KCNJ6: variants seen among roughly 807,000 people sequenced by gnomAD.
KCNJ6 encodes the protein potassium inwardly rectifying channel subfamily J member 6.
In KCNJ6, 9 loss-of-function variants were observed where a neutral mutation model predicts 34.2. The observed-to-expected ratio is 0.26, with a 90% CI of 0.16 to 0.46. The LOEUF (loss-of-function observed/expected upper bound fraction) is 0.46. Ranked by LOEUF, KCNJ6 falls within the 20% of genes least tolerant of loss-of-function variation. The probability of loss-of-function intolerance (pLI) is 1.00; values close to 1 mark genes in which losing one functional copy is unlikely to be tolerated. For synonymous variants in KCNJ6, 196 were observed against 207.1 expected, an observed-to-expected ratio of 0.95 and a Z score of 0.46; for missense variants, 236 against 531.3, an observed-to-expected ratio of 0.44 and a Z score of 5.46.
At chr21:37,771,545 A>T (rs959737868) in intron 2 of KCNJ6, among the ~76,000 whole-genome samples, 4 of 152,176 alleles carry the variant, frequency 2.6e-5, no homozygotes, top group Non-Finnish European at 5.9e-5. Flanking sequence ...TGACTGATAC[A>T]CTTGAGCTGA....
chr21:37,792,301 C>G lies in KCNJ6; in HGVS notation c.25+48357G>C, dbSNP rs966878993. Among the ~76,000 whole-genome samples the G allele has an allele frequency of 2.0e-4, 31 of 152,210 alleles. 1 individual carries two copies. Among genetic ancestry groups the G allele is most frequent in the Non-Finnish European group, 2.9e-5 (2 of 68,040 alleles). On this transcript the variant is annotated intron_variant, in intron 2 of 3. Coordinates refer to ENST00000609713, the MANE Select transcript of KCNJ6 (RefSeq NM_002240.5). ...TGCCCATCTCTAGTTCAGTGGATCT[C>G]AGTTCATATGCTGGCTGGGCCACTA...
intron 2 of KCNJ6, among the ~76,000 whole-genome samples, chr21:37,744,849 A>G (rs1205562582): frequency 6.6e-6 from 1 of 152,168 alleles, no homozygotes; most frequent in African/African-American, 2.4e-5. Context: ...TTTATATGGC[A>G]TATAGTAGGC....
intron 2 of KCNJ6, among the ~76,000 whole-genome samples, chr21:37,786,663 T>C (rs909295383): frequency 2.0e-5 from 3 of 152,236 alleles, no homozygotes; most frequent in Non-Finnish European, 2.9e-5. Context: ...TGTTCTAGCA[T>C]GGAGGAAAGA....
chr21:37,679,452 C>A (rs765321704), intron 3 of KCNJ6, among the ~76,000 whole-genome samples: 2 of 152,146 alleles, frequency 1.3e-5, no homozygotes, highest in Non-Finnish European at 2.9e-5. Context: ...TATAGAGGAG[C>A]AGTAAGGATT....
intron 2 of KCNJ6, among the ~76,000 whole-genome samples, chr21:37,783,965 A>G (rs1388591844): frequency 6.6e-6 from 1 of 152,222 alleles, no homozygotes; most frequent in Non-Finnish European, 1.5e-5. Flanking sequence ...CCAAAAATCC[A>G]TCAGTTAGCA....
intron 3 of KCNJ6, 79 bp from the exon 4 acceptor site, chr21:37,625,563 G>T: frequency 9.6e-7 from 1 of 1,037,728 alleles, no homozygotes; most frequent in Non-Finnish European, 1.4e-6. Flanking sequence ...GAGCCAGGAG[G>T]AGTACTGCAT....
chr21:37,793,465 G>A (rs4817890), intron 2 of KCNJ6, among the ~76,000 whole-genome samples: 63,573 of 150,622 alleles, frequency 0.42, 15,556 homozygotes, highest in Non-Finnish European at 0.53. Flanking sequence ...ATCAAAAGGC[G>A]TGGTTAAAGA....
At chr21:37,716,963 G>A (rs572727506) in intron 2 of KCNJ6, 1 of 154,434 alleles carries the variant, frequency 6.5e-6, no homozygotes, top group African/African-American at 2.4e-5. Flanking sequence ...CTTGGTTAAA[G>A]GACAAATGTC....
chr21:37,877,222 C>T (rs558177114), intron 1 of KCNJ6, among the ~76,000 whole-genome samples: 77 of 152,276 alleles, frequency 5.1e-4, no homozygotes, highest in African/African-American at 1.7e-3. Context: ...AAAATCCACC[C>T]TCTCACCTTT....
chr21:37,770,884 C>T (rs994068559), intron 2 of KCNJ6, among the ~76,000 whole-genome samples: 1 of 152,090 alleles, frequency 6.6e-6, no homozygotes, highest in African/African-American at 2.4e-5. Context: ...TCTGTTATCA[C>T]CTATTAGTAT....
rs867280757 is a variant in KCNJ6 at position 37,609,883 on chromosome 21, A to G, written c.*15276T>C. 2.2e-4 allele frequency: 33 copies of G among 152,162 alleles called. No homozygotes were observed. Among genetic ancestry groups the G allele is most frequent in the African/African-American group, 8.0e-4 (33 of 41,432 alleles). 9.4% of individuals were successfully genotyped at this position (152,162 alleles called of 1,614,324 possible). A position where few individuals can be genotyped will look rare whatever the true frequency, so the allele number is the denominator to read the frequency against. ...GCAGCCTCACATTTATTTTCTATCA[A>G]TGATGCTGACCTTCCTTGGACATTT... On this transcript the variant is annotated 3_prime_UTR_variant, in exon 4 of 4. Coordinates refer to ENST00000609713, the MANE Select transcript of KCNJ6 (RefSeq NM_002240.5).
chr21:37,639,877 A>G (rs1410196293), intron 3 of KCNJ6, among the ~76,000 whole-genome samples: 1 of 152,252 alleles, frequency 6.6e-6, no homozygotes, highest in South Asian at 2.1e-4. Context: ...TGCTCCAGCC[A>G]TGTAAGACAT....
intron 1 of KCNJ6, among the ~76,000 whole-genome samples, chr21:37,854,129 T>C (rs1282534033): frequency 6.6e-6 from 1 of 151,016 alleles, no homozygotes; most frequent in Non-Finnish European, 1.5e-5. Context: ...ATACACCAAT[T>C]AAAAAACAGA....
chr21:37,849,981 ACAGC>A, intron 1 of KCNJ6, among the ~76,000 whole-genome samples: 1 of 152,334 alleles, frequency 6.6e-6, no homozygotes, highest in Admixed American at 6.5e-5. Flanking sequence ...ATGTCCCTGA[ACAGC>A]TGTGAGTTTC....
At chr21:37,885,387 A>G (rs943582885) in intron 1 of KCNJ6, among the ~76,000 whole-genome samples, 2 of 152,112 alleles carry the variant, frequency 1.3e-5, no homozygotes, top group African/African-American at 4.8e-5. Context: ...TGCTTGGGGG[A>G]CACACACCTG....
chr21:37,699,097 C>T (rs1262143919), intron 3 of KCNJ6, among the ~76,000 whole-genome samples: 3 of 152,190 alleles, frequency 2.0e-5, no homozygotes, highest in Non-Finnish European at 4.4e-5. Flanking sequence ...CAATTTATGG[C>T]AGAGTTGAGC....
At chr21:37,710,907 G>C (rs143993820) in intron 3 of KCNJ6, among the ~76,000 whole-genome samples, 1 of 152,250 alleles carries the variant, frequency 6.6e-6, no homozygotes, top group African/African-American at 2.4e-5. Context: ...TGAGTGGCTG[G>C]TGTCAGAATT....
intron 1 of KCNJ6, among the ~76,000 whole-genome samples, chr21:37,847,326 GATC>G (rs1411470255): frequency 6.6e-6 from 1 of 152,162 alleles, no homozygotes; most frequent in African/African-American, 2.4e-5. Flanking sequence ...AGGTTCAGCA[GATC>G]ATGCCAGATC....
At chr21:37,864,551 C>G (rs2055612248) in intron 1 of KCNJ6, among the ~76,000 whole-genome samples, 1 of 152,106 alleles carries the variant, frequency 6.6e-6, no homozygotes, top group Non-Finnish European at 1.5e-5. Flanking sequence ...AACAAGTTAC[C>G]CAGACTTGTA....
Sources: gnomAD v4.1 joint callset for allele counts (sites outside exome capture counted in the v4.1 genomes callset) on GRCh38, gnomAD v4.1.1 for gene constraint, MANE v1.5 for transcripts, NCBI Gene and HGNC (gene_info 2026-07-23, HGNC 2026-07-21) for gene names.